RCOR1: variants seen among roughly 807,000 people sequenced by gnomAD.
The protein encoded by RCOR1 is REST corepressor 1.
In RCOR1, 12 loss-of-function variants were observed where a neutral mutation model predicts 64.0. That is an observed-to-expected ratio of 0.19 (90% confidence interval 0.12 to 0.30). RCOR1 has a LOEUF of 0.30. Ranked by LOEUF, RCOR1 falls within the 10% of genes least tolerant of loss-of-function variation. RCOR1 has a pLI of 1.00. For missense variants in RCOR1, 502 were observed against 621.2 expected, an observed-to-expected ratio of 0.81 and a Z score of 2.04; for synonymous variants, 279 against 227.2, an observed-to-expected ratio of 1.23 and a Z score of -2.05.
chr14:102,683,023 GTATTGCT>G (rs1222856622), intron 3 of RCOR1, among the ~76,000 whole-genome samples: 1 of 152,062 alleles, frequency 6.6e-6, no homozygotes, highest in Non-Finnish European at 1.5e-5. Context: ...TTTTCCTATT[GTATTGCT>G]TATTGGAGTC....
At chr14:102,654,683 TAGTG>T (rs1298198236) in intron 2 of RCOR1, among the ~76,000 whole-genome samples, 3 of 150,944 alleles carry the variant, frequency 2.0e-5, no homozygotes, top group African/African-American at 7.3e-5. Context: ...CTGGGCAAGA[TAGTG>T]AGAACCTGTC....
chr14:102,723,159 A>G (rs994986271), intron 11 of RCOR1, among the ~76,000 whole-genome samples: 2 of 152,246 alleles, frequency 1.3e-5, no homozygotes, highest in Non-Finnish European at 2.9e-5. Context: ...GAATTTGTTC[A>G]CAGGCATGGT....
intron 2 of RCOR1, among the ~76,000 whole-genome samples, chr14:102,629,442 T>TCCCCCC (rs34832312): frequency 4.8e-5 from 7 of 145,964 alleles, no homozygotes; most frequent in African/African-American, 1.5e-4. Context: ...CTTAACAGCC[T>TCCCCCC]CCCCCCCCCC....
intron 2 of RCOR1, among the ~76,000 whole-genome samples, chr14:102,651,543 A>T (rs561512905): frequency 1.3e-5 from 2 of 150,274 alleles, no homozygotes; most frequent in South Asian, 4.2e-4. Flanking sequence ...ACAGAGTGAG[A>T]CTCCATCTCA....
chr14:102,687,236 C>T (rs1895440098), intron 3 of RCOR1, among the ~76,000 whole-genome samples: 1 of 152,092 alleles, frequency 6.6e-6, no homozygotes, highest in Admixed American at 6.5e-5. Context: ...TGTAGTTTTC[C>T]TAGGCAACTC....
At position 102,722,366 on chromosome 14, in the gene RCOR1, C is replaced by T. The variant is rs1038898106; in HGVS notation, c.1369C>T (p.Pro457Ser). 6.2e-7 allele frequency: 1 copy of T among 1,614,066 alleles called. No individual in the cohort carries two copies. The highest frequency in any genetic ancestry group is 8.5e-7 in the Non-Finnish European group (1 of 1,180,004). ...GACCAATGGGCCCAGTAACCAGAAG[C>T]CTGTGAAGTCCCCAGATAATTCCAT... is the stretch of plus-strand genomic sequence containing the variant. ...EETNGPSNQKPVKSPDNSIKM... is the reference protein window; with the variant it reads ...EETNGPSNQKSVKSPDNSIKM... The change falls in exon 11 of 12, where the codon CCT (proline) becomes TCT (serine). Residue 457 changes from proline (P) to serine (S), a missense_variant. Pro to Ser is a moderately conservative substitution (Grantham distance 74). Coordinates refer to ENST00000262241, the MANE Select transcript of RCOR1 (RefSeq NM_015156.4).
At chr14:102,687,755 T>A (rs945284395) in intron 3 of RCOR1, among the ~76,000 whole-genome samples, 1 of 152,168 alleles carries the variant, frequency 6.6e-6, no homozygotes, top group East Asian at 1.9e-4. Context: ...TTGACTCATA[T>A]GATTTTTACA....
chr14:102,640,710 C>T (rs1455070878), intron 2 of RCOR1, among the ~76,000 whole-genome samples: 2 of 152,336 alleles, frequency 1.3e-5, no homozygotes, highest in East Asian at 1.9e-4. Flanking sequence ...CACGTTGGCT[C>T]ACGCCTGTAA....
chr14:102,677,386 C>T (rs1447476222), intron 2 of RCOR1, among the ~76,000 whole-genome samples: 2 of 141,866 alleles, frequency 1.4e-5, no homozygotes, highest in Non-Finnish European at 3.1e-5. Flanking sequence ...CGGGCGGAGA[C>T]GCTCCTCACT....
In RCOR1 at chr14:102,697,369, G is replaced by A. The variant is rs142538993; in HGVS notation, c.446-3909G>A. On this transcript the variant is annotated intron_variant, in intron 3 of 11. Transcript: ENST00000262241. ...TTGAGACAGAGCCAGAATTTGACCC[G>A]GGTCTTTCTTACCCTGTACATAACC... Among the ~76,000 whole-genome samples, 168 of 152,292 alleles carry A rather than the reference G, an allele frequency of 1.1e-3. No individual in the cohort carries two copies. The East Asian group carries it at 0.021, about 19-fold the overall frequency.
intron 2 of RCOR1, among the ~76,000 whole-genome samples, chr14:102,668,859 A>G (rs1435353482): frequency 2.0e-5 from 3 of 152,158 alleles, no homozygotes; most frequent in Admixed American, 6.5e-5. Context: ...TAAATTTAGG[A>G]GAACATGAGA....
chr14:102,611,010 C>A (rs1457737340), intron 2 of RCOR1, among the ~76,000 whole-genome samples: 1 of 152,054 alleles, frequency 6.6e-6, no homozygotes, highest in East Asian at 1.9e-4. Flanking sequence ...ATAAGGTGTT[C>A]AAAATAAGGT....
At chr14:102,615,166 T>C (rs1366316874) in intron 2 of RCOR1, among the ~76,000 whole-genome samples, 2 of 140,210 alleles carry the variant, frequency 1.4e-5, no homozygotes, top group Admixed American at 7.4e-5. Context: ...CAGAGTCTTA[T>C]TCTCACCCAG....
chr14:102,684,145 G>A (rs1045619975), intron 3 of RCOR1, among the ~76,000 whole-genome samples: 93 of 152,302 alleles, frequency 6.1e-4, no homozygotes, highest in African/African-American at 2.2e-3. Context: ...CAGCACCCCT[G>A]CCCCCAACCC....
In RCOR1 at chr14:102,706,142, A is replaced by AAAAAC. The variant is rs1281591870; in HGVS notation, c.499-1209_499-1208insAAAAC. 5.8e-5 allele frequency among the ~76,000 whole-genome samples: 8 copies of AAAAAC among 138,644 alleles called. No homozygotes were observed. In the South Asian group the frequency reaches 7.0e-4, roughly 12 times the overall value. The allele number at this position is 138,644 out of a possible 152,430, so 91.0% of individuals were successfully genotyped here. A position where few individuals can be genotyped will look rare whatever the true frequency, so the allele number is the denominator to read the frequency against. On this transcript the variant is annotated intron_variant, in intron 4 of 11. Coordinates refer to ENST00000262241, the MANE Select transcript of RCOR1 (RefSeq NM_015156.4). ...AAAAAAAAAAAAAAAAAAAAAAAAA[A>AAAAAC]CCTAAAAAAACAGTAATTCAGGAAA...
intron 2 of RCOR1, among the ~76,000 whole-genome samples, chr14:102,644,181 G>T (rs952393465): frequency 6.6e-6 from 1 of 152,162 alleles, no homozygotes; most frequent in Non-Finnish European, 1.5e-5. Flanking sequence ...GGGCTGATTT[G>T]TGCTCCTCAC....
chr14:102,631,421 T>C (rs1004397381), intron 2 of RCOR1, among the ~76,000 whole-genome samples: 4 of 151,920 alleles, frequency 2.6e-5, no homozygotes, highest in Admixed American at 6.6e-5. Flanking sequence ...GCCAGGATGG[T>C]CTCGATCTCC....
At chr14:102,612,300 G>A (rs544303692) in intron 2 of RCOR1, among the ~76,000 whole-genome samples, 33 of 152,144 alleles carry the variant, frequency 2.2e-4, no homozygotes, top group African/African-American at 7.0e-4. Context: ...AAGGTGCTAG[G>A]ATTGCAGGCA....
chr14:102,666,622 TTTTTC>T, intron 2 of RCOR1, among the ~76,000 whole-genome samples: 1 of 152,192 alleles, frequency 6.6e-6, no homozygotes, highest in Non-Finnish European at 1.5e-5. Context: ...TTTCTCAAGA[TTTTTC>T]TTGTTTTTGA....
Sources: gnomAD v4.1 joint callset for allele counts (sites outside exome capture counted in the v4.1 genomes callset) on GRCh38, gnomAD v4.1.1 for gene constraint, MANE v1.5 for transcripts, NCBI Gene and HGNC (gene_info 2026-07-23, HGNC 2026-07-21) for gene names.